The following VLDLR variants were observed in gnomAD, a reference collection of about 807,000 sequenced individuals.
VLDLR encodes the protein very low-density lipoprotein receptor.
Under a neutral mutation model 112.7 loss-of-function variants are expected in VLDLR, and 81 were observed. The observed-to-expected ratio is 0.72, with a 90% confidence interval of 0.60 to 0.86. VLDLR has a LOEUF of 0.86. Among genes scored for constraint, VLDLR ranks in the 40% least tolerant of loss-of-function variants. The pLI is 0.00. For synonymous variants in VLDLR, 436 were observed against 384.8 expected, an observed-to-expected ratio of 1.13 and a Z score of -1.56; for missense variants, 1,237 against 1,099.4, an observed-to-expected ratio of 1.13 and a Z score of -1.77.
At chr9:2,652,610 C>T (rs762781646) in intron 17 of VLDLR, among the ~76,000 whole-genome samples, 170 bp from the exon 18 acceptor site, 1 of 152,184 alleles carries the variant, frequency 6.6e-6, no homozygotes, top group Non-Finnish European at 1.5e-5. Flanking sequence ...CTGGGCTGAA[C>T]TTGTTTCAAG....
At chr9:2,622,551 T>C in intron 1 of VLDLR, among the ~76,000 whole-genome samples, 1 of 152,210 alleles carries the variant, frequency 6.6e-6, no homozygotes, top group Non-Finnish European at 1.5e-5. Context: ...CTGCTTCGCC[T>C]CGTTTCTCGC....
chr9:2,650,024 G>T (rs1209887158), intron 14 of VLDLR, among the ~76,000 whole-genome samples: 2 of 152,208 alleles, frequency 1.3e-5, no homozygotes, highest in Non-Finnish European at 2.9e-5. Context: ...AGGAGAACAT[G>T]CCTAGTCTCC....
Position 2,650,440 on chromosome 9 carries a change from T to A in VLDLR, c.2175T>A (p.Ile725=), listed in dbSNP as rs1470269837. 1.2e-6 allele frequency: 2 copies of A among 1,614,138 alleles called. No homozygotes were observed. The highest frequency in any genetic ancestry group is 8.5e-7 in the Non-Finnish European group (1 of 1,180,028). ...ACCTATGCCTGCCAGCACCACAGAT[T>A]AATGATCACTCTCCAAAATATACCT... ...CEYLCLPAPQ[I]NDHSPKYTCS... Residue 725 remains isoleucine (I), a synonymous_variant, in exon 15 of 19, where the codon ATT becomes ATA. Transcript: ENST00000382100.
intron 1 of VLDLR, 44 bp downstream of exon 1, chr9:2,622,315 G>T (rs34222624): frequency 1.4e-6 from 2 of 1,422,468 alleles, no homozygotes; most frequent in South Asian, 1.5e-5. Flanking sequence ...GGACCCAGCC[G>T]GGGCACCGGG....
At chr9:2,632,809 A>G (rs1448383049) in intron 1 of VLDLR, among the ~76,000 whole-genome samples, 4 of 152,102 alleles carry the variant, frequency 2.6e-5, no homozygotes, top group African/African-American at 9.7e-5. Flanking sequence ...AGAACTAGGG[A>G]GCACTTTCTG....
At position 2,650,350 on chromosome 9, in the gene VLDLR, G is replaced by C; in HGVS notation, c.2105-20G>C. On this transcript the variant is annotated intron_variant, in intron 14 of 18. Transcript: ENST00000382100. Reference sequence around the variant, plus strand: ...AGGCACCGGAATACCCATTTTAATGGTATTTTTTTTCCTGACTAGGTAAAA... The same window carrying C: ...AGGCACCGGAATACCCATTTTAATGCTATTTTTTTTCCTGACTAGGTAAAA... 6.2e-7 allele frequency: 1 copy of C among 1,613,792 alleles called. No homozygotes were observed. The highest frequency in any genetic ancestry group is 8.5e-7 in the Non-Finnish European group (1 of 1,179,946).
intron 1 of VLDLR, among the ~76,000 whole-genome samples, chr9:2,629,086 A>G (rs1817225920): frequency 6.6e-6 from 1 of 152,234 alleles, no homozygotes; most frequent in Admixed American, 6.5e-5. Flanking sequence ...ATGTGTCAAC[A>G]TTGACTCATT....
intron 17 of VLDLR, 117 bp from the exon 18 acceptor site, chr9:2,652,663 C>T: frequency 7.2e-7 from 1 of 1,386,226 alleles, no homozygotes; most frequent in South Asian, 1.2e-5. Flanking sequence ...ATCCTAGCTC[C>T]ATAAAACATG....
At position 2,655,577 on chromosome 9, in the gene VLDLR, C is replaced by CTTGT. The variant is rs1243544992; in HGVS notation, c.*1714_*1717dup. Reference sequence around the variant, plus strand: ...ATATGAAATATAAGGCAGTTAACATCTTGTTTGTGGCTTAAGCAAGGACAT... The same window carrying CTTGT: ...ATATGAAATATAAGGCAGTTAACATCTTGTTTGTTTGTGGCTTAAGCAAGGACAT... On this transcript the variant is annotated 3_prime_UTR_variant, in exon 19 of 19. Transcript: ENST00000382100. 2 of 152,208 alleles carry CTTGT rather than the reference C, an allele frequency of 1.3e-5. No individual in the cohort carries two copies. Among genetic ancestry groups the CTTGT allele is most frequent in the East Asian group, 1.9e-4 (1 of 5,190 alleles). 9.4% of individuals were successfully genotyped at this position (152,208 alleles called of 1,614,324 possible). A position where few individuals can be genotyped will look rare whatever the true frequency, so the allele number is the denominator to read the frequency against.
chr9:2,658,236 A>G lies in VLDLR; in HGVS notation c.*4368A>G, dbSNP rs759289100. 5.9e-5 allele frequency: 9 copies of G among 152,244 alleles called. No homozygotes were observed. The highest frequency in any genetic ancestry group is 7.3e-5 in the Non-Finnish European group (5 of 68,056). 9.4% of individuals were successfully genotyped at this position (152,244 alleles called of 1,614,324 possible). A position where few individuals can be genotyped will look rare whatever the true frequency, so the allele number is the denominator to read the frequency against. Reference sequence around the variant, plus strand: ...CTCTAGATATGAAACTTAGGGATCCATAGATAAATAAGCTACTAACAAACT... The same window carrying G: ...CTCTAGATATGAAACTTAGGGATCCGTAGATAAATAAGCTACTAACAAACT... On this transcript the variant is annotated 3_prime_UTR_variant, in exon 19 of 19. Transcript: ENST00000382100.
chr9:2,622,484 C>G (rs1176898785), intron 1 of VLDLR: 1 of 456,444 alleles, frequency 2.2e-6, no homozygotes, highest in Non-Finnish European at 3.8e-6. Context: ...GTTCGGGGTG[C>G]CCCGACGCCT....
At chr9:2,649,879 G>C (rs924307158) in intron 14 of VLDLR, among the ~76,000 whole-genome samples, 6 of 152,148 alleles carry the variant, frequency 3.9e-5, no homozygotes, top group African/African-American at 1.4e-4. Context: ...ATATAGGATT[G>C]TGTAGATTCT....
chr9:2,653,942 C>G lies in VLDLR; in HGVS notation c.*74C>G, dbSNP rs541771399. 6.6e-7 allele frequency: 1 copy of G among 1,509,884 alleles called. No homozygotes were observed. Among genetic ancestry groups the G allele is most frequent in the African/African-American group, 1.4e-5 (1 of 72,934 alleles). 93.5% of individuals were successfully genotyped at this position (1,509,884 alleles called of 1,614,324 possible). A position where few individuals can be genotyped will look rare whatever the true frequency, so the allele number is the denominator to read the frequency against. On this transcript the variant is annotated 3_prime_UTR_variant, in exon 19 of 19. Coordinates refer to ENST00000382100, the MANE Select transcript of VLDLR (RefSeq NM_003383.5). ...GTCGGAATGGTAACCGAGCCAGCAG[C>G]TGAAGTCTCTTTTTCTTCCTCTCGG...
chr9:2,654,376 C>T lies in VLDLR; in HGVS notation c.*508C>T, dbSNP rs1026715034. ...AAAAAATTTATAAACTAATTTTGTA[C>T]GTATGAATGATATCTTTGACCTCAA... On this transcript the variant is annotated 3_prime_UTR_variant, in exon 19 of 19. Transcript: ENST00000382100. The T allele has an allele frequency of 3.1e-5, 5 of 162,724 alleles. No homozygotes were observed. Among genetic ancestry groups the T allele is most frequent in the East Asian group, 3.4e-4 (2 of 5,810 alleles). 10.1% of individuals were successfully genotyped at this position (162,724 alleles called of 1,614,324 possible).
chr9:2,628,397 A>G (rs932963590), intron 1 of VLDLR, among the ~76,000 whole-genome samples: 23 of 152,354 alleles, frequency 1.5e-4, no homozygotes, highest in South Asian at 2.1e-4. Flanking sequence ...GGAAGGGCAA[A>G]GCCATGGGGA....
intron 1 of VLDLR, among the ~76,000 whole-genome samples, chr9:2,633,051 A>AGAGTGTGT (rs1460780869): frequency 3.5e-5 from 4 of 115,402 alleles, no homozygotes; most frequent in African/African-American, 6.7e-5. Flanking sequence ...AGAGAGAGAG[A>AGAGTGTGT]GTGTGTGTGT....
chr9:2,655,425 G>T lies in VLDLR; in HGVS notation c.*1557G>T, dbSNP rs1399645231. 2 of 152,196 alleles carry T rather than the reference G, an allele frequency of 1.3e-5. No homozygotes were observed. Among genetic ancestry groups the T allele is most frequent in the African/African-American group, 4.8e-5 (2 of 41,446 alleles). 9.4% of individuals were successfully genotyped at this position (152,196 alleles called of 1,614,324 possible). A position where few individuals can be genotyped will look rare whatever the true frequency, so the allele number is the denominator to read the frequency against. On this transcript the variant is annotated 3_prime_UTR_variant, in exon 19 of 19. Transcript: ENST00000382100. Reference sequence around the variant, plus strand: ...TGCTGTGTGTCACAAGTGAGGTGGAGAGTTGGCTGTGGAAGGTACAGCAAT... The same window carrying T: ...TGCTGTGTGTCACAAGTGAGGTGGATAGTTGGCTGTGGAAGGTACAGCAAT...
intron 13 of VLDLR, 140 bp downstream of exon 13, chr9:2,648,487 C>T (rs1586656548): frequency 6.6e-7 from 1 of 1,513,760 alleles, no homozygotes; most frequent in Middle Eastern, 1.8e-4. Context: ...TGGTACAAAT[C>T]AGACACTAAG....
rs553317269 is a variant in VLDLR, at chr9:2,630,284, T to C, written c.83-5169T>C. ...CCTGAAAGGAGTTTTAGCTTACAAA[T>C]AGAAACACTGTCATTAAAGTGGCAA... On this transcript the variant is annotated intron_variant, in intron 1 of 18. Coordinates refer to ENST00000382100, the MANE Select transcript of VLDLR (RefSeq NM_003383.5). Among the ~76,000 whole-genome samples the C allele has an allele frequency of 8.5e-5, 13 of 152,292 alleles. No individual in the cohort carries two copies. In the South Asian group the frequency reaches 1.4e-3, roughly 17 times the overall value.
Sources: allele counts gnomAD v4.1 joint callset (sites outside exome capture counted in the v4.1 genomes callset), GRCh38; gene constraint gnomAD v4.1.1; transcripts MANE v1.5; gene names NCBI Gene and HGNC (gene_info 2026-07-23, HGNC 2026-07-21).